The following KLHL32 variants were observed in gnomAD, a reference collection of about 807,000 sequenced individuals.
The protein encoded by KLHL32 is kelch like family member 32.
A neutral mutation model predicts 64.8 loss-of-function variants in KLHL32; 35 were observed. The observed-to-expected ratio is 0.54, with a 90% confidence interval of 0.41 to 0.72. The LOEUF (loss-of-function observed/expected upper bound fraction) is 0.72. Among genes scored for constraint, KLHL32 ranks in the 30% least tolerant of loss-of-function variants. The probability of loss-of-function intolerance (pLI) is 0.00; values close to 1 mark genes in which losing one functional copy is unlikely to be tolerated. For synonymous variants in KLHL32, 259 were observed against 281.0 expected, an observed-to-expected ratio of 0.92 and a Z score of 0.78; for missense variants, 589 against 768.5, an observed-to-expected ratio of 0.77 and a Z score of 2.76.
chr6:96,903,669 A>G, the KLHL32 span, among the ~76,000 whole-genome samples: 1 of 152,208 alleles, frequency 6.6e-6, no homozygotes, highest in Non-Finnish European at 1.5e-5. Context: ...TAAGCCTGGA[A>G]GAGTACCCCT....
At position 97,130,738 on chromosome 6, in the gene KLHL32, C is replaced by A; in HGVS notation, c.1414-19C>A. On this transcript the variant is annotated intron_variant, in intron 8 of 10. Transcript: ENST00000369261. ...GGAGGTCTCCTACTAACAGAATACA[C>A]TTAAATTTCTTTTTTCAGAATAAGT... 6.3e-7 allele frequency: 1 copy of A among 1,594,916 alleles called. No homozygotes were observed. The highest frequency in any genetic ancestry group is 8.5e-7 in the Non-Finnish European group (1 of 1,170,270).
intron 4 of KLHL32, 104 bp from the exon 5 acceptor site, chr6:97,064,524 A>T: frequency 1.3e-6 from 1 of 745,506 alleles, no homozygotes; most frequent in Non-Finnish European, 2.3e-6. Context: ...GAAATAGAGT[A>T]CGTAAAGCAG....
intron 3 of KLHL32, among the ~76,000 whole-genome samples, chr6:97,013,278 G>A (rs552907111): frequency 2.6e-5 from 4 of 152,294 alleles, no homozygotes; most frequent in East Asian, 3.9e-4. Flanking sequence ...CTGAGCTAGT[G>A]TTAAATAACT....
At chr6:97,048,489 A>G (rs1786283894) in intron 4 of KLHL32, among the ~76,000 whole-genome samples, 1 of 152,228 alleles carries the variant, frequency 6.6e-6, no homozygotes, top group South Asian at 2.1e-4. Context: ...CAAGAAAACT[A>G]TCATACTCTG....
At chr6:97,034,634 A>G (rs1784033911) in intron 3 of KLHL32, among the ~76,000 whole-genome samples, 1 of 151,982 alleles carries the variant, frequency 6.6e-6, no homozygotes, top group South Asian at 2.1e-4. Flanking sequence ...TTTTCAATCC[A>G]TGGACATGGA....
At chr6:96,990,914 G>A (rs879571155) in intron 3 of KLHL32, among the ~76,000 whole-genome samples, 23 of 152,154 alleles carry the variant, frequency 1.5e-4, no homozygotes, top group Non-Finnish European at 3.1e-4. Context: ...AGCAAGGGAA[G>A]TACCACTGCA....
chr6:96,959,154 A>T (rs73494810), intron 1 of KLHL32, among the ~76,000 whole-genome samples: 3,443 of 152,260 alleles, frequency 0.023, 84 homozygotes, highest in African/African-American at 0.064. Context: ...CTCCAAGAGG[A>T]CAGTAGTGGA....
At chr6:97,131,544 G>A (rs969360301) in intron 9 of KLHL32, among the ~76,000 whole-genome samples, 6 of 152,088 alleles carry the variant, frequency 3.9e-5, no homozygotes, top group African/African-American at 1.4e-4. Context: ...AAAGTAACAC[G>A]GTGAACAACT....
chr6:97,113,946 C>A lies in KLHL32; in HGVS notation c.791C>A (p.Ala264Asp). 3 of 1,614,178 alleles carry A rather than the reference C, an allele frequency of 1.9e-6. No individual in the cohort carries two copies. Among genetic ancestry groups the A allele is most frequent in the Non-Finnish European group, 2.5e-6 (3 of 1,180,038 alleles). Reference sequence around the variant, plus strand: ...ACTGCAACAGCCCTTGTCAACGAGGCCCTGGAATACCACCAGAGCATCTAT... The same window carrying A: ...ACTGCAACAGCCCTTGTCAACGAGGACCTGGAATACCACCAGAGCATCTAT... The part of the protein sequence containing the change: ...SETATALVNE[A>D]LEYHQSIYAQ... The change falls in exon 7 of 11, where the codon GCC becomes GAC. Residue 264 changes from alanine to aspartate, a missense_variant. Ala to Asp is a moderately radical substitution (Grantham distance 126). Coordinates refer to ENST00000369261, the MANE Select transcript of KLHL32 (RefSeq NM_052904.4).
intron 2 of KLHL32, among the ~76,000 whole-genome samples, chr6:96,973,741 T>TTTTTTTTTTTTTTTTTG (rs3032640): frequency 6.7e-6 from 1 of 149,450 alleles, no homozygotes; most frequent in Non-Finnish European, 1.5e-5. Flanking sequence ...TTTTTTTTTT[T>TTTTTTTTTTTTTTTTTG]AGACAGAGTC....
rs184413903 is a variant in KLHL32, at chr6:97,111,035, G to C, written c.628-2748G>C. ...AAGATACCACAGAAAAGTCTTGGGG[G>C]GGGGGGGTCTTAGCCAACCACCTGT... On this transcript the variant is annotated intron_variant, in intron 6 of 10. Transcript: ENST00000369261. Among the ~76,000 whole-genome samples, 53 of 151,824 alleles carry C rather than the reference G, an allele frequency of 3.5e-4. 1 individual carries two copies. In the South Asian group the frequency reaches 7.7e-3, roughly 22 times the overall value.
At chr6:96,939,541 C>T (rs1771023719) in intron 1 of KLHL32, among the ~76,000 whole-genome samples, 1 of 152,022 alleles carries the variant, frequency 6.6e-6, no homozygotes, top group Admixed American at 6.6e-5. Context: ...GAAGCCTTCC[C>T]TAAGGGGGTT....
the KLHL32 span, among the ~76,000 whole-genome samples, chr6:96,906,923 G>C: frequency 1.3e-5 from 2 of 152,132 alleles, no homozygotes. Flanking sequence ...TTCCAGAGAA[G>C]TCTCCAGAGA....
chr6:97,099,553 T>C (rs989843379), intron 6 of KLHL32, among the ~76,000 whole-genome samples: 1 of 152,202 alleles, frequency 6.6e-6, no homozygotes, highest in African/African-American at 2.4e-5. Flanking sequence ...TACCTTCTAC[T>C]CATTCCTTCC....
chr6:97,042,917 G>T (rs764023517), intron 4 of KLHL32, among the ~76,000 whole-genome samples: 1 of 152,194 alleles, frequency 6.6e-6, no homozygotes, highest in Non-Finnish European at 1.5e-5. Flanking sequence ...TCGTGAAAAG[G>T]CTGATGCTCT....
At chr6:96,943,651 G>A (rs559197199) in intron 1 of KLHL32, among the ~76,000 whole-genome samples, 10 of 152,346 alleles carry the variant, frequency 6.6e-5, no homozygotes, top group African/African-American at 1.9e-4. Flanking sequence ...GTCTTTACTG[G>A]TTGCTCTTCT....
chr6:97,131,028 C>A, intron 9 of KLHL32, 79 bp downstream of exon 9: 3 of 1,210,898 alleles, frequency 2.5e-6, no homozygotes, highest in Non-Finnish European at 3.5e-6. Context: ...ATCTTTAGGG[C>A]ATCACTAAAT....
At chr6:96,952,078 A>AGAGT (rs1312464004) in intron 1 of KLHL32, among the ~76,000 whole-genome samples, 1 of 152,146 alleles carries the variant, frequency 6.6e-6, no homozygotes, top group Non-Finnish European at 1.5e-5. Context: ...ACATTGTCCC[A>AGAGT]GAGTGAGTGA....
intron 3 of KLHL32, among the ~76,000 whole-genome samples, chr6:96,993,230 G>A (rs1778083721): frequency 6.6e-6 from 1 of 152,184 alleles, no homozygotes; most frequent in South Asian, 2.1e-4. Context: ...AATTGTTCTG[G>A]TCTGTCAGCT....
Sources: allele counts gnomAD v4.1 joint callset (sites outside exome capture counted in the v4.1 genomes callset), GRCh38; gene constraint gnomAD v4.1.1; transcripts MANE v1.5; gene names NCBI Gene and HGNC (gene_info 2026-07-23, HGNC 2026-07-21).